Variants in PICALM observed in about 807,000 individuals in gnomAD.
The protein encoded by PICALM is phosphatidylinositol binding clathrin assembly protein, also known as phosphatidylinositol-binding clathrin assembly protein.
PICALM carries 40 observed loss-of-function variants against 80.5 expected under a neutral mutation model. The observed-to-expected ratio is 0.50, with a 90% CI of 0.39 to 0.65. The LOEUF (loss-of-function observed/expected upper bound fraction) is 0.65, where lower values mean the gene tolerates loss of function less well. Ranked by LOEUF, PICALM falls within the 30% of genes least tolerant of loss-of-function variation. The pLI is 0.00. For synonymous variants in PICALM, 288 were observed against 260.3 expected (o/e 1.11, Z -1.02); for missense variants, 676 against 778.9 (o/e 0.87, Z 1.57).
chr11:86,004,418 G>GA (rs2095232204), intron 8 of PICALM, among the ~76,000 whole-genome samples: 1 of 152,098 alleles, frequency 6.6e-6, no homozygotes, highest in Non-Finnish European at 1.5e-5. Flanking sequence ...CTGGAAGGGG[G>GA]CATAAGGATT....
rs200405557 is a variant in PICALM, at chr11:85,996,817, A to G, written c.1258+9T>C. ...TGTAACATCTAAAATAGAATTCATCAATGCTTACCTCCCCATGTACTTGCT... is the reference window on the plus strand; with the variant it reads ...TGTAACATCTAAAATAGAATTCATCGATGCTTACCTCCCCATGTACTTGCT... On this transcript the variant is annotated intron_variant, in intron 12 of 19. Transcript: ENST00000393346. 2.3e-3 allele frequency: 3,382 copies of G among 1,484,012 alleles called. 8 individuals are homozygous for G. The highest frequency in any genetic ancestry group is 2.9e-3 in the Non-Finnish European group (3,050 of 1,062,410). The allele number at this position is 1,484,012 out of a possible 1,614,324, so 91.9% of individuals were successfully genotyped here. A position where few individuals can be genotyped will look rare whatever the true frequency, so the allele number is the denominator to read the frequency against.
At position 86,012,381 on chromosome 11, in the gene PICALM, A is replaced by T. The variant is rs745676394; in HGVS notation, c.558T>A (p.Asn186Lys). The part of the protein sequence containing the change: ...DALLDFNVNS[N>K]ELTNGVINAA... Reference sequence around the variant, plus strand: ...CATTTATTACCCCATTTGTAAGTTCATTGCTATTAACCTAGGGAAAAATTG... The same window carrying T: ...CATTTATTACCCCATTTGTAAGTTCTTTGCTATTAACCTAGGGAAAAATTG... The change falls in exon 6 of 20, where the codon AAT becomes AAA. Residue 186 changes from asparagine to lysine, a missense_variant. Around this residue, in one of 2 missense-constraint regions of PICALM, gnomAD observed 285 missense variants for 395.4 expected, o/e 0.72. Transcript: ENST00000393346. The T allele has an allele frequency of 2.5e-6, 4 of 1,597,438 alleles. No homozygotes were observed. Among genetic ancestry groups the T allele is most frequent in the Non-Finnish European group, 3.4e-6 (4 of 1,166,000 alleles).
chr11:86,028,046 G>A (rs1020779565), intron 2 of PICALM, among the ~76,000 whole-genome samples: 1 of 152,060 alleles, frequency 6.6e-6, no homozygotes, highest in Non-Finnish European at 1.5e-5. Context: ...CGTCTACCAG[G>A]CCATTTCATT....
chr11:86,043,772 T>C (rs17817931), intron 1 of PICALM, among the ~76,000 whole-genome samples: 17,855 of 152,218 alleles, frequency 0.12, 1,124 homozygotes, highest in Admixed American at 0.15. Flanking sequence ...TTAAAGTTTT[T>C]CGTTAAGAGC....
intron 19 of PICALM, among the ~76,000 whole-genome samples, chr11:85,959,952 T>C (rs974294331): frequency 6.6e-6 from 1 of 152,168 alleles, no homozygotes; most frequent in African/African-American, 2.4e-5. Flanking sequence ...TGACCTATTT[T>C]TTCATGACAA....
chr11:86,045,813 G>A (rs781278418), intron 1 of PICALM, among the ~76,000 whole-genome samples: 1 of 152,092 alleles, frequency 6.6e-6, no homozygotes, highest in Non-Finnish European at 1.5e-5. Flanking sequence ...CAAGTAGGAA[G>A]GGAAATTTAA....
At chr11:85,972,157 A>G (rs1374979823) in intron 19 of PICALM, among the ~76,000 whole-genome samples, 1 of 152,242 alleles carries the variant, frequency 6.6e-6, no homozygotes, top group Non-Finnish European at 1.5e-5. Flanking sequence ...AGCAAAACTC[A>G]TACACAATGT....
chr11:85,992,336 G>A (rs763296598), intron 12 of PICALM, among the ~76,000 whole-genome samples: 6 of 150,948 alleles, frequency 4.0e-5, no homozygotes, highest in Non-Finnish European at 7.4e-5. Flanking sequence ...CTAGGCTGAA[G>A]GGCAATGGTG....
chr11:86,026,154 G>A lies in PICALM; in HGVS notation c.349+138C>T, dbSNP rs997375031. ...TTATTAATCTTCAAATTAAAAGACAGTTTTTTCTTTCCTACAACCTTCACT... is the reference window on the plus strand; with the variant it reads ...TTATTAATCTTCAAATTAAAAGACAATTTTTTCTTTCCTACAACCTTCACT... On this transcript the variant is annotated intron_variant, in intron 3 of 19. Coordinates refer to ENST00000393346, the MANE Select transcript of PICALM (RefSeq NM_007166.4). The A allele has an allele frequency of 5.1e-6, 3 of 588,034 alleles. No individual in the cohort carries two copies. In the African/African-American group the frequency reaches 5.6e-5, roughly 11 times the overall value. 36.4% of individuals were successfully genotyped at this position (588,034 alleles called of 1,614,324 possible).
intron 13 of PICALM, 125 bp downstream of exon 13, chr11:85,990,125 T>C: frequency 2.0e-6 from 1 of 489,590 alleles, no homozygotes; most frequent in Non-Finnish European, 3.4e-6. Flanking sequence ...GGCTGGTTAG[T>C]TTTAGAATTT....
intron 5 of PICALM, among the ~76,000 whole-genome samples, chr11:86,012,797 C>G (rs1389239170): frequency 6.6e-6 from 1 of 151,382 alleles, no homozygotes; most frequent in African/African-American, 2.4e-5. Flanking sequence ...TATTTGCAGA[C>G]TATCTAGTAG....
At chr11:85,969,013 T>C (rs2094008665) in intron 19 of PICALM, among the ~76,000 whole-genome samples, 2 of 150,064 alleles carry the variant, frequency 1.3e-5, no homozygotes, top group South Asian at 4.2e-4. Context: ...AAAGGGTATG[T>C]GTATAGGAAT....
At chr11:86,048,550 T>C (rs574850150) in intron 1 of PICALM, among the ~76,000 whole-genome samples, 4 of 151,828 alleles carry the variant, frequency 2.6e-5, no homozygotes, top group Admixed American at 1.3e-4. Context: ...AAAAGAAAAA[T>C]AGGCCGGGTG....
At position 86,069,020 on chromosome 11, in the gene PICALM, C is replaced by G; in HGVS notation, c.-240G>C. 2.0e-6 allele frequency: 1 copy of G among 509,764 alleles called. No homozygotes were observed. Among genetic ancestry groups the G allele is most frequent in the East Asian group, 3.4e-5 (1 of 29,392 alleles). The allele number at this position is 509,764 out of a possible 1,614,324, so 31.6% of individuals were successfully genotyped here. A position where few individuals can be genotyped will look rare whatever the true frequency, so the allele number is the denominator to read the frequency against. ...CCCTTGCCCCCGCCTCAGTTCAGCC[C>G]ACCCCTTCCCGGGTCAGCTGGAGCC... On this transcript the variant is annotated 5_prime_UTR_variant, in exon 1 of 20. Transcript: ENST00000393346.
At position 86,000,658 on chromosome 11, in the gene PICALM, G is replaced by A. The variant is rs768413521; in HGVS notation, c.1139C>T (p.Pro380Leu). 3 of 1,611,960 alleles carry A rather than the reference G, an allele frequency of 1.9e-6. No homozygotes were observed. Among genetic ancestry groups the A allele is most frequent in the South Asian group, 1.1e-5 (1 of 90,960 alleles). ...TAPAIDIFST[P>L]SSSNSTSKLP... The stretch of plus-strand genomic sequence containing the variant: ...CTACTCCTACCTGTTAGAAGAACTA[G>A]GGGTAGAAAATATGTCAATGGCTGG... Residue 380 changes from proline (P) to leucine (L), a missense_variant, in exon 11 of 20, where the codon CCT (proline) becomes CTT (leucine). Pro to Leu is a moderately conservative substitution (Grantham distance 98, BLOSUM62 -3). This residue lies in a region of PICALM where 391 missense variants were observed against 383.6 expected (regional missense o/e 1.02). Coordinates refer to ENST00000393346, the MANE Select transcript of PICALM (RefSeq NM_007166.4).
intron 3 of PICALM, 55 bp downstream of exon 3, chr11:86,026,234 GTAA>G: frequency 1.1e-6 from 1 of 899,150 alleles, no homozygotes; most frequent in Non-Finnish European, 1.8e-6. Context: ...CTACTCTGGA[GTAA>G]TCATCATGTG....
At chr11:86,010,028 C>G (rs536111795) in intron 7 of PICALM, among the ~76,000 whole-genome samples, 1 of 152,294 alleles carries the variant, frequency 6.6e-6, no homozygotes, top group African/African-American at 2.4e-5. Flanking sequence ...CCTAGAATCA[C>G]TATGTTGCTA....
chr11:86,054,466 C>T (rs2096240314), intron 1 of PICALM, among the ~76,000 whole-genome samples: 1 of 152,124 alleles, frequency 6.6e-6, no homozygotes, highest in African/African-American at 2.4e-5. Flanking sequence ...CCTCATCTCC[C>T]CTTACTCCCA....
chr11:86,055,705 T>C (rs1043052504), intron 1 of PICALM, among the ~76,000 whole-genome samples: 1 of 152,214 alleles, frequency 6.6e-6, no homozygotes, highest in Non-Finnish European at 1.5e-5. Context: ...TCATACCATA[T>C]ACAAAAGTTA....
Sources: gnomAD v4.1 joint callset for allele counts (sites outside exome capture counted in the v4.1 genomes callset) on GRCh38, gnomAD v4.1.1 for gene constraint, gnomAD v4.1.1 regional missense constraint, MANE v1.5 for transcripts, NCBI Gene and HGNC (gene_info 2026-07-23, HGNC 2026-07-21) for gene names.